The following NMI variants were observed in gnomAD, a reference collection of about 807,000 sequenced individuals.
The protein encoded by NMI is N-myc and STAT interactor, also known as N-myc-interactor.
Under a neutral mutation model 34.3 loss-of-function variants are expected in NMI, and 39 were observed. The ratio of observed to expected loss-of-function variants is 1.14; its 90% CI spans 0.88 to 1.49. NMI has a LOEUF of 1.49. Among genes scored for constraint, NMI ranks in the 40% most tolerant of loss-of-function variants. The pLI is 0.00. For synonymous variants in NMI, 113 were observed against 120.3 expected, an observed-to-expected ratio of 0.94 and a Z score of 0.40; for missense variants, 339 against 358.1, an observed-to-expected ratio of 0.95 and a Z score of 0.43.
At chr2:151,280,077 C>T (rs996226965) in intron 3 of NMI, among the ~76,000 whole-genome samples, 13 of 151,918 alleles carry the variant, frequency 8.6e-5, no homozygotes, top group Non-Finnish European at 1.6e-4. Flanking sequence ...CGCCTGTAAT[C>T]CTGGCTATTC....
intron 3 of NMI, among the ~76,000 whole-genome samples, chr2:151,280,751 T>C (rs1683384300): frequency 6.6e-6 from 1 of 152,202 alleles, no homozygotes; most frequent in Non-Finnish European, 1.5e-5. Flanking sequence ...CAGAGTCTTC[T>C]GCACAAAGTC....
At chr2:151,278,243 C>T (rs1401255551) in intron 4 of NMI, 1 of 152,566 alleles carries the variant, frequency 6.6e-6, no homozygotes, top group African/African-American at 2.4e-5. Context: ...AAAGCCAGAT[C>T]CTCCCCACTC....
At chr2:151,276,053 G>A (rs1170630506) in intron 4 of NMI, among the ~76,000 whole-genome samples, 189 bp from the exon 5 acceptor site, 3 of 152,026 alleles carry the variant, frequency 2.0e-5, no homozygotes, top group Admixed American at 1.3e-4. Flanking sequence ...TATATAATTT[G>A]GGGGGTCAGG....
chr2:151,274,730 C>A (rs1683258448), intron 6 of NMI, among the ~76,000 whole-genome samples: 1 of 151,996 alleles, frequency 6.6e-6, no homozygotes, highest in Admixed American at 6.6e-5. Context: ...CCTGCCTCGG[C>A]CTCCCAAAGT....
chr2:151,288,160 C>T (rs934623920), intron 1 of NMI, among the ~76,000 whole-genome samples: 1 of 152,098 alleles, frequency 6.6e-6, no homozygotes, highest in African/African-American at 2.4e-5. Flanking sequence ...ATCTTAATCC[C>T]AAGAATCTGT....
At chr2:151,273,866 G>C (rs1392372685) in intron 6 of NMI, among the ~76,000 whole-genome samples, 1 of 152,110 alleles carries the variant, frequency 6.6e-6, no homozygotes, top group East Asian at 1.9e-4. Context: ...CACCAAACAG[G>C]CTAAATGAAT....
intron 5 of NMI, 22 bp from the exon 6 acceptor site, chr2:151,275,692 A>G (rs367993922): frequency 1.5e-4 from 246 of 1,612,276 alleles, no homozygotes; most frequent in Non-Finnish European, 1.9e-4. Context: ...TTTGATGTTC[A>G]GAAATATGGA....
At chr2:151,286,067 A>G (rs1210747521) in intron 1 of NMI, among the ~76,000 whole-genome samples, 1 of 152,244 alleles carries the variant, frequency 6.6e-6, no homozygotes, top group Non-Finnish European at 1.5e-5. Flanking sequence ...ATAGTTCCCC[A>G]CAAAATGTTT....
At position 151,271,608 on chromosome 2, in the gene NMI, G is replaced by T; in HGVS notation, c.741+18C>A. ...TGGGCAGTGAGTTCTGAAAATGAGA[G>T]AACAGAGATGACTTTACCTGATACT... On this transcript the variant is annotated intron_variant, in intron 7 of 7. Transcript: ENST00000243346. 1 of 1,262,384 alleles carries T rather than the reference G, an allele frequency of 7.9e-7. No individual in the cohort carries two copies. The highest frequency in any genetic ancestry group is 1.2e-5 in the South Asian group (1 of 81,804). 78.2% of individuals were successfully genotyped at this position (1,262,384 alleles called of 1,614,324 possible). A position where few individuals can be genotyped will look rare whatever the true frequency, so the allele number is the denominator to read the frequency against.
chr2:151,286,855 A>T (rs1371319675), intron 1 of NMI, among the ~76,000 whole-genome samples: 1 of 152,174 alleles, frequency 6.6e-6, no homozygotes, highest in East Asian at 1.9e-4. Context: ...AGGGAATATA[A>T]CCATCTGTAC....
chr2:151,276,473 C>A (rs1223732094), intron 4 of NMI, among the ~76,000 whole-genome samples: 2 of 152,088 alleles, frequency 1.3e-5, no homozygotes, highest in Admixed American at 1.3e-4. Flanking sequence ...AAGAGATAAG[C>A]CTAACAATCT....
In NMI at chr2:151,270,494, T is replaced by A. The variant is rs1683163684; in HGVS notation, c.*199A>T. 3 of 555,634 alleles carry A rather than the reference T, an allele frequency of 5.4e-6. No individual in the cohort carries two copies. In the East Asian group the frequency reaches 9.1e-5, roughly 17 times the overall value. 34.4% of individuals were successfully genotyped at this position (555,634 alleles called of 1,614,324 possible). On this transcript the variant is annotated 3_prime_UTR_variant, in exon 8 of 8. Coordinates refer to ENST00000243346, the MANE Select transcript of NMI (RefSeq NM_004688.3). ...CTATAAACAAAACTTTTTATTACAG[T>A]GCACTTATTGTAGTTGAAAACATGC...
intron 2 of NMI, 28 bp downstream of exon 2, chr2:151,282,840 T>C (rs753760806): frequency 4.4e-6 from 5 of 1,147,232 alleles, no homozygotes; most frequent in Admixed American, 2.5e-5. Context: ...AAATAATTTT[T>C]AATAATACCC....
At chr2:151,288,572 T>TGA (rs1683550923) in intron 1 of NMI, among the ~76,000 whole-genome samples, 1 of 150,546 alleles carries the variant, frequency 6.6e-6, no homozygotes, top group African/African-American at 2.4e-5. Flanking sequence ...TGAGTGTGTG[T>TGA]GTGTGTGTGT....
At chr2:151,274,493 T>G (rs1307914649) in intron 6 of NMI, among the ~76,000 whole-genome samples, 4 of 150,476 alleles carry the variant, frequency 2.7e-5, no homozygotes, top group Non-Finnish European at 5.9e-5. Context: ...TGTTTTTTTT[T>G]GAGACGGAGT....
At chr2:151,285,276 T>A (rs943669987) in intron 1 of NMI, among the ~76,000 whole-genome samples, 2 of 151,986 alleles carry the variant, frequency 1.3e-5, no homozygotes, top group Non-Finnish European at 2.9e-5. Flanking sequence ...AATATGGAAA[T>A]GGAGAAAACA....
chr2:151,276,961 A>G (rs1683301858), intron 4 of NMI, among the ~76,000 whole-genome samples: 1 of 152,254 alleles, frequency 6.6e-6, no homozygotes, highest in African/African-American at 2.4e-5. Flanking sequence ...AGGCAACTCT[A>G]TGTCAATTAA....
At chr2:151,283,948 C>T (rs556841970) in intron 1 of NMI, among the ~76,000 whole-genome samples, 3 of 152,292 alleles carry the variant, frequency 2.0e-5, no homozygotes, top group Middle Eastern at 3.4e-3. Context: ...TTTAACATTG[C>T]TTCTACATTA....
intron 4 of NMI, chr2:151,278,565 A>G: frequency 2.5e-6 from 1 of 396,626 alleles, no homozygotes; most frequent in Non-Finnish European, 4.7e-6. Flanking sequence ...CATGTGGAGT[A>G]GAAAGAGGCT....
Sources: allele counts gnomAD v4.1 joint callset (sites outside exome capture counted in the v4.1 genomes callset), GRCh38; gene constraint gnomAD v4.1.1; transcripts MANE v1.5; gene names NCBI Gene and HGNC (gene_info 2026-07-23, HGNC 2026-07-21).